The following TERB2 variants were observed in gnomAD, a reference collection of about 807,000 sequenced individuals.
TERB2 encodes telomere repeats-binding bouquet formation protein 2.
A neutral mutation model predicts 29.8 loss-of-function variants in TERB2; 26 were observed. That is an observed-to-expected ratio of 0.87 (90% CI 0.64 to 1.21). The LOEUF (loss-of-function observed/expected upper bound fraction) is 1.21, where lower values mean the gene tolerates loss of function less well. TERB2 is among the 50% of genes most tolerant of loss of function. The pLI, the probability that TERB2 is intolerant of heterozygous loss-of-function variation, is 0.00. For missense variants in TERB2, 240 were observed against 268.6 expected, an observed-to-expected ratio of 0.89 and a Z score of 0.74; for synonymous variants, 80 against 90.8, an observed-to-expected ratio of 0.88 and a Z score of 0.68.
intron 5 of TERB2, among the ~76,000 whole-genome samples, chr15:44,966,461 C>A (rs1207325620): frequency 6.6e-6 from 1 of 152,086 alleles, no homozygotes; most frequent in Non-Finnish European, 1.5e-5. Context: ...AGGATTTGCA[C>A]TGAGTCAGAG....
At chr15:44,965,653 C>A (rs1486797480) in intron 4 of TERB2, among the ~76,000 whole-genome samples, 1 of 143,326 alleles carries the variant, frequency 7.0e-6, no homozygotes, top group Non-Finnish European at 1.5e-5. Context: ...TATTTTATAT[C>A]TTTATGTATA....
intron 5 of TERB2, among the ~76,000 whole-genome samples, chr15:44,973,073 C>T (rs1212228832): frequency 2.0e-5 from 3 of 149,966 alleles, no homozygotes; most frequent in Non-Finnish European, 4.5e-5. Context: ...TAGAGATGGG[C>T]TTTCACCATG....
intron 2 of TERB2, among the ~76,000 whole-genome samples, chr15:44,957,448 A>G (rs1223940301): frequency 2.0e-5 from 3 of 151,998 alleles, no homozygotes; most frequent in Non-Finnish European, 4.4e-5. Flanking sequence ...ACCCGCATGT[A>G]GCGCCTTGAA....
At chr15:44,961,191 GAT>G (rs34640759) in intron 3 of TERB2, among the ~76,000 whole-genome samples, 16,209 of 136,126 alleles carry the variant, frequency 0.12, 1,478 homozygotes, top group African/African-American at 0.26. Context: ...ATACCTCAAT[GAT>G]ATATATATAT....
chr15:44,961,352 C>T (rs1232852317), intron 3 of TERB2, among the ~76,000 whole-genome samples, 171 bp from the exon 4 acceptor site: 4 of 151,444 alleles, frequency 2.6e-5, no homozygotes, highest in Non-Finnish European at 5.9e-5. Context: ...AATTCCAGAG[C>T]TCCTCCTCAA....
chr15:44,957,252 A>C (rs935515394), intron 2 of TERB2, among the ~76,000 whole-genome samples: 6 of 151,760 alleles, frequency 4.0e-5, no homozygotes, highest in South Asian at 2.1e-4. Context: ...AAATACAATA[A>C]AATAAAAAAT....
intron 5 of TERB2, chr15:44,971,172 T>G (rs552189441): frequency 2.6e-5 from 4 of 152,834 alleles, no homozygotes; most frequent in African/African-American, 9.6e-5. Flanking sequence ...CATGAGAGCC[T>G]GAAACCAGGC....
Position 44,978,795 on chromosome 15 carries a change from T to C in TERB2, c.*167T>C. On this transcript the variant is annotated 3_prime_UTR_variant, in exon 7 of 7. Coordinates refer to ENST00000340827, the MANE Select transcript of TERB2 (RefSeq NM_152448.3). The stretch of plus-strand genomic sequence containing the variant: ...AATACAGAATCATTTTGGTTCTGTG[T>C]TTTGACATTTTTCCCCTAGCTTTTA... The C allele has an allele frequency of 1.1e-6, 1 of 926,994 alleles. No individual in the cohort carries two copies. The highest frequency in any genetic ancestry group is 1.4e-6 in the Non-Finnish European group (1 of 697,840). The allele number at this position is 926,994 out of a possible 1,614,324, so 57.4% of individuals were successfully genotyped here.
At chr15:44,977,807 T>G (rs1368980262) in intron 6 of TERB2, among the ~76,000 whole-genome samples, 1 of 152,216 alleles carries the variant, frequency 6.6e-6, no homozygotes, top group Non-Finnish European at 1.5e-5. Flanking sequence ...TCAATTTTAG[T>G]AAAAGCCACA....
chr15:44,965,725 A>G (rs1318917557), intron 4 of TERB2, among the ~76,000 whole-genome samples: 2 of 150,808 alleles, frequency 1.3e-5, no homozygotes, highest in Non-Finnish European at 3.0e-5. Context: ...AGCTTACTTT[A>G]TATTTTTGAT....
At chr15:44,975,245 C>A (rs1242047799) in intron 6 of TERB2, among the ~76,000 whole-genome samples, 1 of 151,958 alleles carries the variant, frequency 6.6e-6, no homozygotes, top group Non-Finnish European at 1.5e-5. Context: ...ATAGCAATTT[C>A]TTGGGAGAAA....
intron 5 of TERB2, among the ~76,000 whole-genome samples, chr15:44,973,312 T>C (rs1323751977): frequency 1.3e-5 from 2 of 152,226 alleles, no homozygotes; most frequent in Non-Finnish European, 2.9e-5. Flanking sequence ...TTGGCAGATT[T>C]AATACTGTAT....
chr15:44,958,684 G>A (rs975767071), intron 3 of TERB2, among the ~76,000 whole-genome samples, 172 bp downstream of exon 3: 11 of 152,208 alleles, frequency 7.2e-5, no homozygotes, highest in Non-Finnish European at 1.6e-4. Context: ...TGCCTTGGGT[G>A]TATATCCTGA....
intron 2 of TERB2, 90 bp from the exon 3 acceptor site, chr15:44,958,283 C>T (rs983752887): frequency 7.0e-7 from 1 of 1,431,338 alleles, no homozygotes; most frequent in East Asian, 2.3e-5. Context: ...TAATCGTCTC[C>T]CTACTTCCAG....
In TERB2 at chr15:44,978,670, A is replaced by G; in HGVS notation, c.*42A>G. 6.5e-7 allele frequency: 1 copy of G among 1,530,442 alleles called. No individual in the cohort carries two copies. The highest frequency in any genetic ancestry group is 8.8e-7 in the Non-Finnish European group (1 of 1,137,694). The allele number at this position is 1,530,442 out of a possible 1,614,324, so 94.8% of individuals were successfully genotyped here. On this transcript the variant is annotated 3_prime_UTR_variant, in exon 7 of 7. Coordinates refer to ENST00000340827, the MANE Select transcript of TERB2 (RefSeq NM_152448.3). Reference sequence around the variant, plus strand: ...TACCTTGGCATTTATTTTCTATAAAATATTATACAGATGTGCATATCATAA... The same window carrying G: ...TACCTTGGCATTTATTTTCTATAAAGTATTATACAGATGTGCATATCATAA...
In TERB2 at chr15:44,978,810, C is replaced by A; in HGVS notation, c.*182C>A. ...TGGTTCTGTGTTTTGACATTTTTCC[C>A]CTAGCTTTTAACAACATGTTCAAAT... On this transcript the variant is annotated 3_prime_UTR_variant, in exon 7 of 7. Transcript: ENST00000340827. 1 of 772,418 alleles carries A rather than the reference C, an allele frequency of 1.3e-6. No homozygotes were observed. Among genetic ancestry groups the A allele is most frequent in the African/African-American group, 1.8e-5 (1 of 55,754 alleles). 47.8% of individuals were successfully genotyped at this position (772,418 alleles called of 1,614,324 possible). A position where few individuals can be genotyped will look rare whatever the true frequency, so the allele number is the denominator to read the frequency against.
At chr15:44,965,435 AATAT>A (rs1435420068) in intron 4 of TERB2, among the ~76,000 whole-genome samples, 1 of 143,922 alleles carries the variant, frequency 6.9e-6, no homozygotes, top group Non-Finnish European at 1.5e-5. Flanking sequence ...TACCTTTATA[AATAT>A]ATAAATATAT....
At chr15:44,968,801 AT>A (rs879445727) in intron 5 of TERB2, among the ~76,000 whole-genome samples, 10 of 151,938 alleles carry the variant, frequency 6.6e-5, no homozygotes, top group Non-Finnish European at 1.3e-4. Context: ...TTCCATGAAC[AT>A]CTTTTTAAAA....
chr15:44,958,926 C>T (rs535114541), intron 3 of TERB2, among the ~76,000 whole-genome samples: 134 of 152,314 alleles, frequency 8.8e-4, no homozygotes, highest in Non-Finnish European at 1.5e-3. Flanking sequence ...TGCCTGTAAT[C>T]CCAGCACTTT....
Sources: gnomAD v4.1 joint callset for allele counts (sites outside exome capture counted in the v4.1 genomes callset) on GRCh38, gnomAD v4.1.1 for gene constraint, MANE v1.5 for transcripts, NCBI Gene and HGNC (gene_info 2026-07-23, HGNC 2026-07-21) for gene names.